ZCWPW1: variants seen among roughly 807,000 people sequenced by gnomAD.
ZCWPW1 encodes the protein zinc finger CW-type PWWP domain protein 1.
Under a neutral mutation model 81.3 loss-of-function variants are expected in ZCWPW1, and 56 were observed. That is an observed-to-expected ratio of 0.69 (90% CI 0.56 to 0.86). ZCWPW1 has a LOEUF of 0.86. ZCWPW1 is among the 40% of genes least tolerant of loss of function. The pLI, the probability that ZCWPW1 is intolerant of heterozygous loss-of-function variation, is 0.00. For synonymous variants in ZCWPW1, 250 were observed against 273.7 expected, an observed-to-expected ratio of 0.91 and a Z score of 0.86; for missense variants, 650 against 769.8, an observed-to-expected ratio of 0.84 and a Z score of 1.84.
Position 100,409,503 on chromosome 7 carries a change from C to T in ZCWPW1, c.796G>A (p.Gly266Arg). 6.2e-7 allele frequency: 1 copy of T among 1,614,136 alleles called. No individual in the cohort carries two copies. The highest frequency in any genetic ancestry group is 1.1e-5 in the South Asian group (1 of 91,082). ...TTCCCACACAGCCGCCTCCATTTCC[C>T]ACAGTTTGGGAAGGAACACTGGACC... ...VWVQCSFPNC[G>R]KWRRLCGNID... The change falls in exon 9 of 18, where the codon GGG becomes AGG. Residue 266 changes from glycine to arginine, a missense_variant. Coordinates refer to ENST00000684423, the MANE Select transcript of ZCWPW1 (RefSeq NM_001386010.1).
At position 100,401,076 on chromosome 7, in the gene ZCWPW1, C is replaced by T. The variant is rs1368756919; in HGVS notation, c.1888G>A (p.Gly630Arg). The T allele has an allele frequency of 9.9e-6, 16 of 1,614,060 alleles. No individual in the cohort carries two copies. The highest frequency in any genetic ancestry group is 1.2e-5 in the Non-Finnish European group (14 of 1,180,030). ...TCACTGTTGCTGTGCTGCAGCTCCC[C>T]GCTCTGCCCCAGCTCTCTCCCAACA... ...EDVGRELGQS[G>R]ELQHSNSDGE... The change falls in exon 18 of 18, where the codon GGG (glycine) becomes AGG (arginine). Residue 630 changes from glycine (G) to arginine (R), a missense_variant. Transcript: ENST00000684423.
chr7:100,408,456 G>A lies in ZCWPW1; in HGVS notation c.992+83C>T, dbSNP rs1793510243. 2.6e-6 allele frequency: 4 copies of A among 1,538,928 alleles called. No homozygotes were observed. In the South Asian group the frequency reaches 3.7e-5, roughly 14 times the overall value. On this transcript the variant is annotated intron_variant, in intron 10 of 17. Transcript: ENST00000684423. ...GGCCAGAACCATTTCAATTACAGAT[G>A]TTTTCCATTTGCTTCCACCCCTGCT...
chr7:100,426,329 A>G (rs1426811971), intron 1 of ZCWPW1, among the ~76,000 whole-genome samples: 36 of 152,072 alleles, frequency 2.4e-4, no homozygotes, highest in Admixed American at 2.3e-3. Context: ...CCCCATCTCT[A>G]CTAAAATACA....
Position 100,416,091 on chromosome 7 carries a change from T to C in ZCWPW1, c.638A>G (p.Glu213Gly), listed in dbSNP as rs1795162773. ...LSKRKKEAQD[E>G]KVEKTQGGHE... ...TCCACCTTGAGTTTTCTCCACCTTCTCATCTTCTGGGAAGAAAAAAGAAAA... is the reference window on the plus strand; with the variant it reads ...TCCACCTTGAGTTTTCTCCACCTTCCCATCTTCTGGGAAGAAAAAAGAAAA... The change falls in exon 8 of 18, where the codon GAG becomes GGG. Residue 213 changes from glutamate to glycine, a missense_variant. By Grantham distance (98) the Glu-to-Gly change is moderately conservative (BLOSUM62 -2). Transcript: ENST00000684423. The C allele has an allele frequency of 6.2e-7, 1 of 1,613,656 alleles. No individual in the cohort carries two copies. Among genetic ancestry groups the C allele is most frequent in the East Asian group, 2.2e-5 (1 of 44,902 alleles).
chr7:100,408,433 C>A, intron 10 of ZCWPW1, 106 bp downstream of exon 10: 9 of 1,474,798 alleles, frequency 6.1e-6, no homozygotes, highest in Non-Finnish European at 6.5e-6. Context: ...CTTTCTAAGG[C>A]CAGAACCATT....
At chr7:100,419,584 A>C (rs774865344) in intron 4 of ZCWPW1, 46 bp downstream of exon 4, 3 of 1,561,796 alleles carry the variant, frequency 1.9e-6, no homozygotes, top group Non-Finnish European at 2.6e-6. Flanking sequence ...GCCAGGGGTA[A>C]GGTATGAGAA....
chr7:100,411,859 G>C (rs1247482006), intron 8 of ZCWPW1, among the ~76,000 whole-genome samples: 1 of 152,080 alleles, frequency 6.6e-6, no homozygotes, highest in Non-Finnish European at 1.5e-5. Context: ...CAAGAACATT[G>C]TACTTTTTTA....
rs548313219 is a variant in ZCWPW1, at chr7:100,408,501, T to G, written c.992+38A>C. 32 of 1,602,082 alleles carry G rather than the reference T, an allele frequency of 2.0e-5. No homozygotes were observed. In the African/African-American group the frequency reaches 3.8e-4, roughly 19 times the overall value. On this transcript the variant is annotated intron_variant, in intron 10 of 17. Transcript: ENST00000684423. Reference sequence around the variant, plus strand: ...CCTGCTTGAATCTACCTCTCCCAAGTTTGTGAAGGATGCTCTGACTGTGTC... The same window carrying G: ...CCTGCTTGAATCTACCTCTCCCAAGGTTGTGAAGGATGCTCTGACTGTGTC...
At chr7:100,405,413 C>T (rs960198527) in intron 12 of ZCWPW1, among the ~76,000 whole-genome samples, 6 of 150,552 alleles carry the variant, frequency 4.0e-5, no homozygotes, top group South Asian at 2.1e-4. Context: ...GGGGACAGAG[C>T]GAGACTCCAT....
At chr7:100,420,521 A>C in intron 3 of ZCWPW1, 101 bp downstream of exon 3, 5 of 1,418,202 alleles carry the variant, frequency 3.5e-6, no homozygotes, top group East Asian at 4.6e-5. Context: ...CTGAGTGGGC[A>C]CAGAATATAG....
At chr7:100,422,371 G>GTAAT (rs1796517309) in intron 2 of ZCWPW1, among the ~76,000 whole-genome samples, 1 of 152,154 alleles carries the variant, frequency 6.6e-6, no homozygotes, top group Non-Finnish European at 1.5e-5. Context: ...GTACTCTGGG[G>GTAAT]GTAAAAGGAC....
chr7:100,403,771 C>T lies in ZCWPW1; in HGVS notation c.1336G>A (p.Gly446Ser), dbSNP rs2130383378. The change falls in exon 15 of 18, where the codon GGT (glycine) becomes AGT (serine). Residue 446 changes from glycine to serine, a missense_variant. Gly to Ser is a moderately conservative substitution (Grantham distance 56). Transcript: ENST00000684423. ...NGERKDLQLS[G>S]LNSPGSCLEK... Reference sequence around the variant, plus strand: ...AAGCAGGATCCTGGGCTGTTCAAACCAGAGAGCTGTAAGTCTAGAACAGGA... The same window carrying T: ...AAGCAGGATCCTGGGCTGTTCAAACTAGAGAGCTGTAAGTCTAGAACAGGA... 1 of 1,613,982 alleles carries T rather than the reference C, an allele frequency of 6.2e-7. No individual in the cohort carries two copies. The highest frequency in any genetic ancestry group is 1.1e-5 in the South Asian group (1 of 91,062).
Position 100,401,305 on chromosome 7 carries a change from G to C in ZCWPW1, c.1659C>G (p.Ser553Arg), listed in dbSNP as rs754452256. The C allele has an allele frequency of 3.2e-6, 5 of 1,564,260 alleles. No individual in the cohort carries two copies. Among genetic ancestry groups the C allele is most frequent in the Non-Finnish European group, 4.3e-6 (5 of 1,158,638 alleles). The change falls in exon 18 of 18, where the codon AGC becomes AGG. Residue 553 changes from serine to arginine, a missense_variant. Transcript: ENST00000684423. ...CTGAAAAGCTGGCTGCCAAGGCCTTGCTCTGGGGAGCTTTAAATTTTTTCT... is the reference window on the plus strand; with the variant it reads ...CTGAAAAGCTGGCTGCCAAGGCCTTCCTCTGGGGAGCTTTAAATTTTTTCT... ...GPKKKFKAPQSKALAASFSEG... is the reference protein window; with the variant it reads ...GPKKKFKAPQRKALAASFSEG...
chr7:100,425,662 A>C (rs1797192900), intron 1 of ZCWPW1, among the ~76,000 whole-genome samples: 1 of 152,232 alleles, frequency 6.6e-6, no homozygotes, highest in Non-Finnish European at 1.5e-5. Context: ...AAGATATCCC[A>C]ACAGACTGAA....
rs1322175480 is a variant in ZCWPW1, at chr7:100,401,932, C to T, written c.1584G>A (p.Met528Ile). ...RKSTAPPAPR[M>I]GRKEGQGNSD... ...AATTCCCTTGGCCTTCTTTCCTTCC[C>T]ATTCTGGGTGCAGGAGGAGCTGTGG... Residue 528 changes from methionine (M) to isoleucine (I), a missense_variant, in exon 17 of 18, where the codon ATG becomes ATA. Physicochemically the swap from Met to Ile is conservative, Grantham distance 10 (BLOSUM62 1). Coordinates refer to ENST00000684423, the MANE Select transcript of ZCWPW1 (RefSeq NM_001386010.1). The T allele has an allele frequency of 6.2e-7, 1 of 1,614,158 alleles. No individual in the cohort carries two copies. The highest frequency in any genetic ancestry group is 1.7e-5 in the Admixed American group (1 of 60,014).
intron 16 of ZCWPW1, 34 bp downstream of exon 16, chr7:100,402,482 T>A (rs1428681448): frequency 3.7e-6 from 6 of 1,611,264 alleles, no homozygotes; most frequent in Admixed American, 1.7e-5. Context: ...GCCTTAACTG[T>A]GGGTTGTGCT....
rs773693357 is a variant in ZCWPW1, at chr7:100,407,290, T to C, written c.1006A>G (p.Ile336Val). The C allele has an allele frequency of 2.5e-6, 4 of 1,613,798 alleles. No individual in the cohort carries two copies. Among genetic ancestry groups the C allele is most frequent in the Non-Finnish European group, 3.4e-6 (4 of 1,179,842 alleles). ...QYGYPWWPGM[I>V]ESDPDLGEYF... ...TCCCCTAAGTCAGGATCAGATTCTA[T>C]CATGCCTGGCCACCTGGAGAAGATA... The change falls in exon 11 of 18, where the codon ATA becomes GTA. Residue 336 changes from isoleucine (I) to valine (V), a missense_variant. Transcript: ENST00000684423.
rs1165530876 is a variant in ZCWPW1, at chr7:100,415,502, TA to T, written c.754+472del. Among the ~76,000 whole-genome samples the T allele has an allele frequency of 4.6e-5, 7 of 152,338 alleles. No individual in the cohort carries two copies. The East Asian group carries it at 1.2e-3, about 25-fold the overall frequency. On this transcript the variant is annotated intron_variant, in intron 8 of 17. Coordinates refer to ENST00000684423, the MANE Select transcript of ZCWPW1 (RefSeq NM_001386010.1). ...CACGCTTATCAACTCTTTCAGTAGC[TA>T]TAACCAAACCGCTAATGGCTTCCTA...
Position 100,401,342 on chromosome 7 carries a change from T to G in ZCWPW1, c.1628-6A>C. On this transcript the variant is annotated splice_region_variant and splice_polypyrimidine_tract_variant and intron_variant, in intron 17 of 17. Transcript: ENST00000684423. ...TTTAAATTTTTTCTTAGGGCCTAAA[T>G]GAGAAGGTGACAAAGCCAAGAGTCC... 1 of 1,530,964 alleles carries G rather than the reference T, an allele frequency of 6.5e-7. No homozygotes were observed. The highest frequency in any genetic ancestry group is 8.8e-7 in the Non-Finnish European group (1 of 1,142,306). The allele number at this position is 1,530,964 out of a possible 1,614,324, so 94.8% of individuals were successfully genotyped here.
Sources: allele counts gnomAD v4.1 joint callset (sites outside exome capture counted in the v4.1 genomes callset), GRCh38; gene constraint gnomAD v4.1.1; transcripts MANE v1.5; gene names NCBI Gene and HGNC (gene_info 2026-07-23, HGNC 2026-07-21).